The following FSTL5 variants were observed in gnomAD, a reference collection of about 807,000 sequenced individuals.
FSTL5 encodes follistatin-related protein 5.
In FSTL5, 62 loss-of-function variants were observed where a neutral mutation model predicts 89.1. The observed-to-expected ratio is 0.70, with a 90% confidence interval of 0.57 to 0.86. FSTL5 has a LOEUF of 0.86. Among genes scored for constraint, FSTL5 ranks in the 40% least tolerant of loss-of-function variants. FSTL5 has a pLI of 0.00. For missense variants in FSTL5, 1,057 were observed against 1,001.6 expected (o/e 1.06, Z -0.75); for synonymous variants, 383 against 346.2 (o/e 1.11, Z -1.18).
At chr4:162,156,379 A>C (rs536325725) in intron 1 of FSTL5, among the ~76,000 whole-genome samples, 41 of 152,300 alleles carry the variant, frequency 2.7e-4, no homozygotes, top group Admixed American at 9.8e-4. Context: ...TGACCCAATA[A>C]TGCGATTACT....
intron 13 of FSTL5, among the ~76,000 whole-genome samples, chr4:161,468,496 T>C (rs1733825362): frequency 6.6e-6 from 1 of 152,126 alleles, no homozygotes; most frequent in South Asian, 2.1e-4. Context: ...CGCAAGCATA[T>C]TCCTCAGGTT....
At chr4:161,961,722 C>A (rs1004730575) in intron 3 of FSTL5, among the ~76,000 whole-genome samples, 10 of 151,720 alleles carry the variant, frequency 6.6e-5, no homozygotes, top group Non-Finnish European at 1.3e-4. Context: ...ATATCAATTT[C>A]TCCGAAGTTG....
chr4:162,065,615 A>C lies in FSTL5; in HGVS notation c.127-31957T>G, dbSNP rs367626478. 2.6e-5 allele frequency among the ~76,000 whole-genome samples: 4 copies of C among 152,202 alleles called. No individual in the cohort carries two copies. The East Asian group carries it at 7.8e-4, about 30-fold the overall frequency. On this transcript the variant is annotated intron_variant, in intron 2 of 15. Coordinates refer to ENST00000306100, the MANE Select transcript of FSTL5 (RefSeq NM_020116.5). ...GAAAAGGTATACACCATTGATGTGA[A>C]GATAAGTTGGTATAGCCATTATAGA... is the stretch of plus-strand genomic sequence containing the variant.
intron 1 of FSTL5, among the ~76,000 whole-genome samples, chr4:162,128,928 T>G (rs1335136647): frequency 6.6e-6 from 1 of 151,876 alleles, no homozygotes; most frequent in Non-Finnish European, 1.5e-5. Flanking sequence ...GACTTTTTTT[T>G]TTTTTTTTTT....
At position 161,519,524 on chromosome 4, in the gene FSTL5, T is replaced by TCAAAACAAAACAAAA. The variant is rs112732857; in HGVS notation, c.1313-9115_1313-9101dup. Among the ~76,000 whole-genome samples, 4 of 151,608 alleles carry TCAAAACAAAACAAAA rather than the reference T, an allele frequency of 2.6e-5. No homozygotes were observed. The South Asian group carries it at 6.3e-4, about 24-fold the overall frequency. Reference sequence around the variant, plus strand: ...CTGGGCGACAGAGCAAGACTCTATCTCAAAACAAAACAAAACAAAACAAAA... The same window carrying TCAAAACAAAACAAAA: ...CTGGGCGACAGAGCAAGACTCTATCTCAAAACAAAACAAAACAAAACAAAACAAAACAAAACAAAA... On this transcript the variant is annotated intron_variant, in intron 10 of 15. Coordinates refer to ENST00000306100, the MANE Select transcript of FSTL5 (RefSeq NM_020116.5).
chr4:161,651,305 C>A (rs1736332688), intron 7 of FSTL5, among the ~76,000 whole-genome samples: 1 of 147,232 alleles, frequency 6.8e-6, no homozygotes, highest in Admixed American at 6.8e-5. Context: ...GAAAAGATAG[C>A]ATGATTCCTA....
At chr4:161,880,525 C>T (rs1732594339) in intron 4 of FSTL5, among the ~76,000 whole-genome samples, 1 of 152,092 alleles carries the variant, frequency 6.6e-6, no homozygotes, top group Non-Finnish European at 1.5e-5. Flanking sequence ...ACTTTCTTGA[C>T]CTAGCATAAA....
intron 3 of FSTL5, among the ~76,000 whole-genome samples, chr4:161,965,567 G>A (rs1220638560): frequency 6.6e-6 from 1 of 152,074 alleles, no homozygotes; most frequent in Admixed American, 6.6e-5. Context: ...GGGTTTTCAT[G>A]TCTAGTAGAA....
chr4:162,004,132 C>A (rs1364266948), intron 3 of FSTL5, among the ~76,000 whole-genome samples: 2 of 152,020 alleles, frequency 1.3e-5, no homozygotes, highest in Non-Finnish European at 2.9e-5. Context: ...ACTCTAGATC[C>A]AGGTATTAAA....
chr4:161,848,615 T>G (rs1471972791), intron 4 of FSTL5, among the ~76,000 whole-genome samples: 3 of 152,194 alleles, frequency 2.0e-5, no homozygotes, highest in Non-Finnish European at 4.4e-5. Context: ...AGCATAATTT[T>G]TTTTTGCAAT....
chr4:161,906,334 G>C (rs1733526865), intron 4 of FSTL5, among the ~76,000 whole-genome samples: 1 of 152,146 alleles, frequency 6.6e-6, no homozygotes, highest in African/African-American at 2.4e-5. Context: ...ACAAGATTCA[G>C]GGCAAGTAGT....
At chr4:162,138,535 C>A (rs1378788361) in intron 1 of FSTL5, among the ~76,000 whole-genome samples, 2 of 151,982 alleles carry the variant, frequency 1.3e-5, no homozygotes, top group Non-Finnish European at 2.9e-5. Flanking sequence ...AATATCAAGA[C>A]TCTCATACTT....
chr4:161,658,968 G>T (rs553698783), intron 6 of FSTL5, among the ~76,000 whole-genome samples: 2 of 152,062 alleles, frequency 1.3e-5, no homozygotes, highest in African/African-American at 4.8e-5. Flanking sequence ...CTGTTATTAG[G>T]TCCCAGGCCA....
At chr4:161,598,727 G>A (rs1319898002) in intron 7 of FSTL5, among the ~76,000 whole-genome samples, 5 of 151,990 alleles carry the variant, frequency 3.3e-5, no homozygotes, top group Non-Finnish European at 4.4e-5. Context: ...AATTAGTAGA[G>A]AAAGATTGGT....
intron 1 of FSTL5, among the ~76,000 whole-genome samples, chr4:162,124,350 G>A (rs558780784): frequency 2.2e-4 from 34 of 152,238 alleles, no homozygotes; most frequent in African/African-American, 7.7e-4. Context: ...CAGAACCCTT[G>A]TAATTCTGTA....
chr4:161,538,186 T>C lies in FSTL5; in HGVS notation c.1292A>G (p.Glu431Gly). Reference protein sequence around the residue: ...VDEDISSLFVEDSARKTLANI... With the variant: ...VDEDISSLFVGDSARKTLANI... ...CATACGGGTCTTTCTAGCAGAGTCT[T>C]CCACAAAAAGAGAAGAGATGTCTTC... The change falls in exon 10 of 16, where the codon GAA (glutamate) becomes GGA (glycine). Residue 431 changes from glutamate to glycine, a missense_variant. Glu to Gly is a moderately conservative substitution (Grantham distance 98, BLOSUM62 -2). Around this residue, in one of 3 missense-constraint regions of FSTL5, gnomAD observed 980 missense variants for 903.2 expected, o/e 1.08. Coordinates refer to ENST00000306100, the MANE Select transcript of FSTL5 (RefSeq NM_020116.5). 1 of 1,613,986 alleles carries C rather than the reference T, an allele frequency of 6.2e-7. No individual in the cohort carries two copies. The highest frequency in any genetic ancestry group is 8.5e-7 in the Non-Finnish European group (1 of 1,179,936).
chr4:161,403,435 C>T (rs1254626231), intron 15 of FSTL5, among the ~76,000 whole-genome samples: 2 of 152,180 alleles, frequency 1.3e-5, no homozygotes, highest in Non-Finnish European at 2.9e-5. Flanking sequence ...CCTACTTTAT[C>T]ACTATGGAAA....
chr4:161,606,531 G>GA (rs1734450696), intron 7 of FSTL5, among the ~76,000 whole-genome samples: 1 of 151,930 alleles, frequency 6.6e-6, no homozygotes, highest in South Asian at 2.1e-4. Flanking sequence ...CGCCCGGCCC[G>GA]ATTATCTGTG....
Position 162,055,959 on chromosome 4 carries a change from A to G in FSTL5, c.127-22301T>C, listed in dbSNP as rs1472331030. On this transcript the variant is annotated intron_variant, in intron 2 of 15. Transcript: ENST00000306100. ...CAGAATAATAATATTTAGTTCAAAG[A>G]TCCAAATATAAAAAACAAAACTCTT... is the stretch of plus-strand genomic sequence containing the variant. Among the ~76,000 whole-genome samples, 3 of 151,904 alleles carry G rather than the reference A, an allele frequency of 2.0e-5. No homozygotes were observed. The East Asian group carries it at 5.8e-4, about 29-fold the overall frequency.
Sources: allele counts gnomAD v4.1 joint callset (sites outside exome capture counted in the v4.1 genomes callset), GRCh38; gene constraint gnomAD v4.1.1; regional missense constraint gnomAD v4.1.1; transcripts MANE v1.5; gene names NCBI Gene and HGNC (gene_info 2026-07-23, HGNC 2026-07-21).